Variants in SUN1 observed in about 807,000 individuals in gnomAD.
The protein encoded by SUN1 is Sad1 and UNC84 domain containing 1.
Under a neutral mutation model 103.2 loss-of-function variants are expected in SUN1, and 61 were observed. The ratio of observed to expected loss-of-function variants is 0.59; its 90% confidence interval spans 0.48 to 0.73. SUN1 has a LOEUF of 0.73. Ranked by LOEUF, SUN1 falls within the 30% of genes least tolerant of loss-of-function variation. SUN1 has a pLI of 0.00. For synonymous variants in SUN1, 490 were observed against 425.7 expected (o/e 1.15, Z -1.86); for missense variants, 1,052 against 1,034.6 (o/e 1.02, Z -0.23).
chr7:850,053 C>A, intron 5 of SUN1: 1 of 1,550,372 alleles, frequency 6.5e-7, no homozygotes. Flanking sequence ...CGCCCCGTCT[C>A]CGTCTCATCT....
chr7:861,365 C>T lies in SUN1; in HGVS notation c.1780-15C>T. 6.2e-7 allele frequency: 1 copy of T among 1,614,106 alleles called. No homozygotes were observed. Among genetic ancestry groups the T allele is most frequent in the South Asian group, 1.1e-5 (1 of 91,084 alleles). On this transcript the variant is annotated splice_polypyrimidine_tract_variant and intron_variant, in intron 14 of 18. Transcript: ENST00000401592. ...TGTTCTGGTGTTTGGTCTTCCGTCC[C>T]TCGTGTCTGTCCAGCAAGCACGTGC...
At chr7:838,430 C>A (rs867665539) in intron 1 of SUN1, among the ~76,000 whole-genome samples, 8 of 152,182 alleles carry the variant, frequency 5.3e-5, no homozygotes, top group Non-Finnish European at 5.9e-5. Flanking sequence ...TTAAATCTCA[C>A]GTCCGCGTAG....
chr7:842,988 C>A, intron 3 of SUN1: 1 of 670,422 alleles, frequency 1.5e-6, no homozygotes, highest in East Asian at 2.7e-5. Flanking sequence ...TGTGTGCTGC[C>A]GTCTGTCTGT....
In SUN1 at chr7:841,563, A is replaced by G. The variant is rs377449006; in HGVS notation, c.267-383A>G. Among the ~76,000 whole-genome samples, 22 of 152,308 alleles carry G rather than the reference A, an allele frequency of 1.4e-4. No homozygotes were observed. The East Asian group carries it at 2.5e-3, about 17-fold the overall frequency. On this transcript the variant is annotated intron_variant, in intron 2 of 18. Coordinates refer to ENST00000401592, the MANE Select transcript of SUN1 (RefSeq NM_001130965.3). ...GGCCATGACTACCTATTCTTGTTGT[A>G]CTTAACACAATTCCATCTTTACCAG...
At chr7:830,408 A>T (rs959962079), upstream of SUN1, among the ~76,000 whole-genome samples, 2 of 152,216 alleles carry the variant, frequency 1.3e-5, no homozygotes, top group African/African-American at 4.8e-5. Flanking sequence ...CAGGGTGGGT[A>T]AGGAACCCTG....
intron 6 of SUN1, 96 bp from the exon 7 acceptor site, chr7:851,854 A>G: frequency 1.5e-6 from 2 of 1,296,474 alleles, no homozygotes; most frequent in South Asian, 1.3e-5. Context: ...CTTCATCTTC[A>G]TGTGCTTCTA....
intron 14 of SUN1, 68 bp from the exon 15 acceptor site, chr7:861,312 G>T: frequency 6.7e-7 from 1 of 1,501,068 alleles, no homozygotes; most frequent in Non-Finnish European, 9.3e-7. Context: ...CCTCATCCAT[G>T]GCACTAAAAC....
At chr7:822,468 C>T (rs957769003) in intron 1 of SUN1, among the ~76,000 whole-genome samples, 5 of 152,152 alleles carry the variant, frequency 3.3e-5, no homozygotes, top group Non-Finnish European at 5.9e-5. Flanking sequence ...TCCCTGGGTC[C>T]CTACGGTGGG....
chr7:860,201 T>A lies in SUN1; in HGVS notation c.1598T>A (p.Leu533Gln), dbSNP rs538639219. The A allele has an allele frequency of 2.5e-6, 4 of 1,614,250 alleles. No individual in the cohort carries two copies. The East Asian group carries it at 8.9e-5, about 36-fold the overall frequency. The change falls in exon 14 of 19, where the codon CTG becomes CAG. Residue 533 changes from leucine (L) to glutamine (Q), a missense_variant. Leu to Gln is a moderately radical substitution (Grantham distance 113). This residue lies in a region of SUN1 where 846 missense variants were observed against 774.5 expected (regional missense o/e 1.09). Coordinates refer to ENST00000401592, the MANE Select transcript of SUN1 (RefSeq NM_001130965.3). The part of the protein sequence containing the change: ...EDQQGGSLEQ[L>Q]LQRFSSQFVS... ...CAGCAAGGCGGTTCTCTGGAACAGCTGCTGCAGAGGTTCTCATCACAGTTT... is the reference window on the plus strand; with the variant it reads ...CAGCAAGGCGGTTCTCTGGAACAGCAGCTGCAGAGGTTCTCATCACAGTTT...
At chr7:824,668 G>A (rs1789671355) in intron 1 of SUN1, among the ~76,000 whole-genome samples, 1 of 152,192 alleles carries the variant, frequency 6.6e-6, no homozygotes, top group Non-Finnish European at 1.5e-5. Context: ...TCTTCTGGTA[G>A]AAGTCGTCGT....
At chr7:860,460 G>C in intron 14 of SUN1, 78 bp downstream of exon 14, 1 of 1,565,522 alleles carries the variant, frequency 6.4e-7, no homozygotes, top group Admixed American at 1.7e-5. Context: ...GTGAGGTGTG[G>C]ATGTTGATGT....
chr7:868,414 A>C lies in SUN1; in HGVS notation c.1981-935A>C, dbSNP rs1190517920. ...TGCCAGGCTGTGCTTCTGGGGCTGC[A>C]GGCTGCACCGTGGCCGGGTTAGGTT... On this transcript the variant is annotated intron_variant, in intron 16 of 18. Transcript: ENST00000401592. 9 of 278,938 alleles carry C rather than the reference A, an allele frequency of 3.2e-5. No homozygotes were observed. In the Admixed American group the frequency reaches 4.1e-4, roughly 13 times the overall value. The allele number at this position is 278,938 out of a possible 1,614,324, so 17.3% of individuals were successfully genotyped here. A position where few individuals can be genotyped will look rare whatever the true frequency, so the allele number is the denominator to read the frequency against.
At chr7:863,373 T>TTCACCAGCGCCAGCGCCCC (rs1168207098) in intron 15 of SUN1, among the ~76,000 whole-genome samples, 1 of 152,040 alleles carries the variant, frequency 6.6e-6, no homozygotes, top group Admixed American at 6.6e-5. Flanking sequence ...CTGCCCGGGG[T>TTCACCAGCGCCAGCGCCCC]TGTGTGCTGC....
chr7:819,955 C>T (rs1784464222), intron 1 of SUN1, among the ~76,000 whole-genome samples: 1 of 152,160 alleles, frequency 6.6e-6, no homozygotes, highest in African/African-American at 2.4e-5. Context: ...ATCTGCCCAC[C>T]TCGGCCTCCC....
rs766372359 is a variant in SUN1, at chr7:851,489, A to G, written c.757+7A>G. 63 of 1,598,092 alleles carry G rather than the reference A, an allele frequency of 3.9e-5. No individual in the cohort carries two copies. The highest frequency in any genetic ancestry group is 4.9e-5 in the Non-Finnish European group (58 of 1,172,258). The stretch of plus-strand genomic sequence containing the variant: ...CTGGCCGTGGTTGCTCCAGGTGGCT[A>G]TTTTGGGTTTCTGTGTTGCGTTCTC... On this transcript the variant is annotated splice_region_variant and intron_variant, in intron 6 of 18. Transcript: ENST00000401592.
At chr7:864,378 T>C (rs1220763688) in intron 15 of SUN1, among the ~76,000 whole-genome samples, 1 of 150,868 alleles carries the variant, frequency 6.6e-6, no homozygotes, top group African/African-American at 2.4e-5. Context: ...AGAAACCCCG[T>C]CTCTACTAAA....
intron 12 of SUN1, among the ~76,000 whole-genome samples, chr7:857,462 C>A (rs1345995168): frequency 6.6e-6 from 1 of 152,168 alleles, no homozygotes; most frequent in African/African-American, 2.4e-5. Context: ...CAGCCCCAAA[C>A]TACTGGGCTT....
intron 17 of SUN1, 76 bp downstream of exon 17, chr7:869,592 C>G (rs756305391): frequency 4.5e-6 from 7 of 1,542,868 alleles, no homozygotes; most frequent in Non-Finnish European, 8.8e-7. Flanking sequence ...GTGACGTGAG[C>G]GCACTGGGGA....
chr7:856,887 C>T (rs528595057), intron 12 of SUN1, among the ~76,000 whole-genome samples: 78 of 152,252 alleles, frequency 5.1e-4, no homozygotes, highest in Non-Finnish European at 7.6e-4. Context: ...CCAGAACCAC[C>T]GGATTTGTGC....
Sources: allele counts gnomAD v4.1 joint callset (sites outside exome capture counted in the v4.1 genomes callset), GRCh38; gene constraint gnomAD v4.1.1; regional missense constraint gnomAD v4.1.1; transcripts MANE v1.5; gene names NCBI Gene and HGNC (gene_info 2026-07-23, HGNC 2026-07-21).